Variants in FHIP2A observed in about 807,000 individuals in gnomAD.
FHIP2A encodes FHF complex subunit HOOK interacting protein 2A.
FHIP2A carries 46 observed loss-of-function variants against 93.5 expected under a neutral mutation model. The ratio of observed to expected loss-of-function variants is 0.49; its 90% confidence interval spans 0.39 to 0.63. The LOEUF (loss-of-function observed/expected upper bound fraction) is 0.63, where lower values mean the gene tolerates loss of function less well. Ranked by LOEUF, FHIP2A falls within the 20% of genes least tolerant of loss-of-function variation. FHIP2A has a pLI of 0.00. For missense variants in FHIP2A, 769 were observed against 909.7 expected (o/e 0.85, Z 1.99); for synonymous variants, 332 against 326.5 (o/e 1.02, Z -0.18).
Position 114,890,673 on chromosome 10 carries a change from C to T in FHIP2A, c.2193-8817C>T, listed in dbSNP as rs538902353. Among the ~76,000 whole-genome samples the T allele has an allele frequency of 1.0e-3, 149 of 143,292 alleles. 1 individual carries two copies. The highest frequency in any genetic ancestry group is 3.6e-3 in the African/African-American group (141 of 38,980). 94.0% of individuals were successfully genotyped at this position (143,292 alleles called of 152,430 possible). A position where few individuals can be genotyped will look rare whatever the true frequency, so the allele number is the denominator to read the frequency against. ...CATATACGGTATATAAAATATATAC[C>T]GTATATGACATATAGTATATAAAAT... On this transcript the variant is annotated intron_variant, in intron 16 of 16. Coordinates refer to the FHIP2A transcript ENST00000369250.
At chr10:114,827,647 A>G (rs541967115) in intron 1 of FHIP2A, among the ~76,000 whole-genome samples, 1 of 152,228 alleles carries the variant, frequency 6.6e-6, no homozygotes, top group East Asian at 1.9e-4. Flanking sequence ...AATACAAAAA[A>G]TTAGCTGGGC....
intron 16 of FHIP2A, among the ~76,000 whole-genome samples, chr10:114,887,834 A>G (rs112319575): frequency 0.033 from 5,026 of 152,350 alleles, 109 homozygotes; most frequent in Middle Eastern, 0.041. Context: ...ATACAACACC[A>G]TGTGATAAAG....
rs576606769 is a variant in FHIP2A, at chr10:114,839,640, A to C, written c.523-3293A>C. Reference sequence around the variant, plus strand: ...ATGCCTGTAATCCCAGCACTTTGGTAGGCTGAGGCGGGCAGATCATAAGGT... The same window carrying C: ...ATGCCTGTAATCCCAGCACTTTGGTCGGCTGAGGCGGGCAGATCATAAGGT... On this transcript the variant is annotated intron_variant, in intron 5 of 16. Coordinates refer to ENST00000369248, the MANE Select transcript of FHIP2A (RefSeq NM_020940.4). Among the ~76,000 whole-genome samples the C allele has an allele frequency of 3.4e-4, 52 of 152,204 alleles. 1 individual carries two copies. The highest frequency in any genetic ancestry group is 1.1e-3 in the African/African-American group (46 of 41,530).
At position 114,862,896 on chromosome 10, in the gene FHIP2A, A is replaced by G; in HGVS notation, c.*1356A>G. Reference sequence around the variant, plus strand: ...GGAACTGTCACTACCCCCTCTAGGAAGTTATTTTATGTAGCATGTTTGCAT... The same window carrying G: ...GGAACTGTCACTACCCCCTCTAGGAGGTTATTTTATGTAGCATGTTTGCAT... On this transcript the variant is annotated 3_prime_UTR_variant, in exon 17 of 17. Transcript: ENST00000369248. 1.0e-6 allele frequency: 1 copy of G among 985,450 alleles called. No homozygotes were observed. Among genetic ancestry groups the G allele is most frequent in the Non-Finnish European group, 1.2e-6 (1 of 829,932 alleles). 61.0% of individuals were successfully genotyped at this position (985,450 alleles called of 1,614,324 possible).
intron 14 of FHIP2A, among the ~76,000 whole-genome samples, chr10:114,856,157 A>G (rs888251479): frequency 1.3e-5 from 2 of 152,244 alleles, no homozygotes. Flanking sequence ...GGAGTTGTAA[A>G]AGAAATTTAC....
intron 16 of FHIP2A, chr10:114,899,485 C>G: frequency 2.8e-6 from 2 of 718,478 alleles, no homozygotes; most frequent in Non-Finnish European, 5.2e-6. Flanking sequence ...TTCTTTTATC[C>G]TCAGGCAGAC....
At chr10:114,899,357 A>T in intron 16 of FHIP2A, 1 of 582,912 alleles carries the variant, frequency 1.7e-6, no homozygotes. Context: ...AGCACAAAAT[A>T]ATATGTATTG....
chr10:114,881,305 C>A (rs192344991), intron 16 of FHIP2A, among the ~76,000 whole-genome samples: 32 of 152,260 alleles, frequency 2.1e-4, no homozygotes, highest in African/African-American at 7.2e-4. Flanking sequence ...TTTCCAAAAG[C>A]CTTCAAGAGT....
Position 114,862,002 on chromosome 10 carries a change from A to G in FHIP2A, c.*462A>G. The G allele has an allele frequency of 1.0e-6, 1 of 974,172 alleles. No individual in the cohort carries two copies. Among genetic ancestry groups the G allele is most frequent in the Non-Finnish European group, 1.2e-6 (1 of 819,276 alleles). 60.3% of individuals were successfully genotyped at this position (974,172 alleles called of 1,614,324 possible). On this transcript the variant is annotated 3_prime_UTR_variant, in exon 17 of 17. Transcript: ENST00000369248. ...ATAACTTTTTAAGGTCAGAATTCTT[A>G]TCAAACAAAATATGAAAACTGTAAA...
chr10:114,851,987 G>C (rs1019730757), intron 13 of FHIP2A, among the ~76,000 whole-genome samples: 8 of 152,002 alleles, frequency 5.3e-5, no homozygotes, highest in Admixed American at 1.3e-4. Flanking sequence ...TTCATTTTCT[G>C]ATTGTTCTTT....
intron 5 of FHIP2A, among the ~76,000 whole-genome samples, chr10:114,837,772 G>C (rs1054570116): frequency 1.3e-5 from 2 of 152,142 alleles, no homozygotes; most frequent in African/African-American, 4.8e-5. Flanking sequence ...TTCCCAAAAA[G>C]TCATAGCAAT....
rs920512547 is a variant in FHIP2A at position 114,863,279 on chromosome 10, A to T, written c.*1739A>T. The T allele has an allele frequency of 1.0e-6, 1 of 983,526 alleles. No homozygotes were observed. Among genetic ancestry groups the T allele is most frequent in the Non-Finnish European group, 1.2e-6 (1 of 828,318 alleles). 60.9% of individuals were successfully genotyped at this position (983,526 alleles called of 1,614,324 possible). A position where few individuals can be genotyped will look rare whatever the true frequency, so the allele number is the denominator to read the frequency against. The stretch of plus-strand genomic sequence containing the variant: ...TTTTTAATCACTTCATACAAGGAAA[A>T]CTTCGACATTTACATTTCTAGATGT... On this transcript the variant is annotated 3_prime_UTR_variant, in exon 17 of 17. Transcript: ENST00000369248.
intron 3 of FHIP2A, among the ~76,000 whole-genome samples, chr10:114,835,174 C>T (rs1376204138): frequency 1.3e-5 from 2 of 152,210 alleles, no homozygotes; most frequent in South Asian, 2.1e-4. Flanking sequence ...GCCTTTGTTC[C>T]AGCGGGGTGT....
chr10:114,846,045 T>C lies in FHIP2A; in HGVS notation c.1161T>C (p.His387=), dbSNP rs1008150665. The C allele has an allele frequency of 1.7e-5, 27 of 1,614,046 alleles. No individual in the cohort carries two copies. The Admixed American group carries it at 3.5e-4, about 21-fold the overall frequency. The change falls in exon 9 of 17, where the codon CAT becomes CAC. Residue 387 remains histidine, a synonymous_variant. Transcript: ENST00000369248. ...TAAVALAKAV[H]ERFFIGVMEP... Reference sequence around the variant, plus strand: ...CTGTTGCTCTTGCCAAAGCTGTTCATGAAAGATTTTTCATTGGTGTTATGG... The same window carrying C: ...CTGTTGCTCTTGCCAAAGCTGTTCACGAAAGATTTTTCATTGGTGTTATGG...
Position 114,875,529 on chromosome 10 carries a change from TA to T in FHIP2A, c.2192+14204del, listed in dbSNP as rs553034215. On this transcript the variant is annotated intron_variant, in intron 16 of 16. Coordinates refer to the FHIP2A transcript ENST00000369250. ...AGCCAACATGGTGAAACCCTGTCTC[TA>T]AAAAAAAATACAAAAGATAGCTGGG... 1.0e-3 allele frequency among the ~76,000 whole-genome samples: 152 copies of T among 150,060 alleles called. 1 individual carries two copies. Among genetic ancestry groups the T allele is most frequent in the African/African-American group, 2.8e-3 (116 of 40,930 alleles).
intron 13 of FHIP2A, among the ~76,000 whole-genome samples, chr10:114,854,733 A>G (rs1179193251): frequency 6.6e-6 from 1 of 152,204 alleles, no homozygotes; most frequent in Non-Finnish European, 1.5e-5. Context: ...TGATCCTATC[A>G]TAACATCATG....
At chr10:114,826,745 G>A (rs1238474311) in intron 1 of FHIP2A, among the ~76,000 whole-genome samples, 4 of 152,328 alleles carry the variant, frequency 2.6e-5, no homozygotes, top group South Asian at 2.1e-4. Flanking sequence ...TGTAATGCCA[G>A]CACTTTGGGA....
chr10:114,822,174 A>C (rs2083530375), intron 1 of FHIP2A, 51 bp downstream of exon 1: 7 of 1,163,816 alleles, frequency 6.0e-6, no homozygotes, highest in Non-Finnish European at 7.7e-6. Flanking sequence ...GCGGCGGCCT[A>C]CGCTCCCCGG....
In FHIP2A at chr10:114,887,451, A is replaced by T. The variant is rs555022445; in HGVS notation, c.2193-12039A>T. On this transcript the variant is annotated intron_variant, in intron 16 of 16. Coordinates refer to the FHIP2A transcript ENST00000369250. Reference sequence around the variant, plus strand: ...AATTCTTACAAAAACCCTATGAGGGAGGCCTAGTTTTCTTCCGTTTTTAGA... The same window carrying T: ...AATTCTTACAAAAACCCTATGAGGGTGGCCTAGTTTTCTTCCGTTTTTAGA... 2.6e-5 allele frequency among the ~76,000 whole-genome samples: 4 copies of T among 152,320 alleles called. No individual in the cohort carries two copies. In the East Asian group the frequency reaches 5.8e-4, roughly 22 times the overall value.
Sources: allele counts gnomAD v4.1 joint callset (sites outside exome capture counted in the v4.1 genomes callset), GRCh38; gene constraint gnomAD v4.1.1; transcripts MANE v1.5; gene names NCBI Gene and HGNC (gene_info 2026-07-23, HGNC 2026-07-21).